Variants in GPR89A observed in about 807,000 individuals in gnomAD.
GPR89A encodes the protein golgi pH regulator A, also known as G protein-coupled receptor 89A.
GPR89A carries 16 observed loss-of-function variants against 52.0 expected under a neutral mutation model. That is an observed-to-expected ratio of 0.31 (90% CI 0.21 to 0.47). The LOEUF is 0.47. GPR89A is among the 20% of genes least tolerant of loss of function. GPR89A has a pLI of 1.00. For missense variants in GPR89A, 135 were observed against 449.4 expected (o/e 0.30, Z 6.33); for synonymous variants, 55 against 150.9 (o/e 0.36, Z 4.66).
At chr1:145,628,551 T>C (rs1649665861) in intron 5 of GPR89A, among the ~76,000 whole-genome samples, 1 of 151,802 alleles carries the variant, frequency 6.6e-6, no homozygotes, top group South Asian at 2.1e-4. Flanking sequence ...TGGCCTTAAC[T>C]AAGTTACTTA....
At chr1:145,654,854 A>G (rs1167153573) in intron 10 of GPR89A, among the ~76,000 whole-genome samples, 1 of 152,074 alleles carries the variant, frequency 6.6e-6, no homozygotes, top group Admixed American at 6.6e-5. Context: ...AGGTTGGGGA[A>G]GTTCTCCTGG....
At chr1:145,655,335 G>C (rs1651742359) in intron 10 of GPR89A, among the ~76,000 whole-genome samples, 2 of 151,844 alleles carry the variant, frequency 1.3e-5, no homozygotes, top group South Asian at 4.2e-4. Flanking sequence ...GCCCAGTTCT[G>C]TGCCCTTGCT....
At chr1:145,669,570 C>T (rs1327867916) in intron 12 of GPR89A, 55 bp from the exon 13 acceptor site, 53 of 1,596,138 alleles carry the variant, frequency 3.3e-5, no homozygotes, top group Non-Finnish European at 2.9e-5. Context: ...TCTTACTGTT[C>T]GTGACACAGG....
At chr1:145,668,927 A>G (rs1488042484) in intron 12 of GPR89A, among the ~76,000 whole-genome samples, 1 of 152,148 alleles carries the variant, frequency 6.6e-6, no homozygotes, top group African/African-American at 2.4e-5. Flanking sequence ...AGCCCATTTG[A>G]TCATGGCAGA....
intron 10 of GPR89A, among the ~76,000 whole-genome samples, chr1:145,660,748 A>G (rs1267749020): frequency 2.0e-5 from 3 of 151,850 alleles, no homozygotes; most frequent in African/African-American, 7.3e-5. Context: ...AATCAAAACC[A>G]CAATGACATA....
chr1:145,610,485 T>C (rs1448742606), intron 1 of GPR89A, among the ~76,000 whole-genome samples: 2 of 152,146 alleles, frequency 1.3e-5, no homozygotes, highest in African/African-American at 4.8e-5. Flanking sequence ...GTGTGTTTTC[T>C]CTTTCTGGGC....
chr1:145,635,819 C>T (rs1460324276), intron 7 of GPR89A, among the ~76,000 whole-genome samples: 2 of 152,186 alleles, frequency 1.3e-5, no homozygotes, highest in Non-Finnish European at 2.9e-5. Context: ...ATTATCTGGG[C>T]ATAGTGGTGC....
At chr1:145,669,154 G>A (rs1652780798) in intron 12 of GPR89A, among the ~76,000 whole-genome samples, 1 of 151,876 alleles carries the variant, frequency 6.6e-6, no homozygotes, top group Admixed American at 6.6e-5. Flanking sequence ...AGACTTCACG[G>A]AGGTGGAAAG....
rs1320396527 is a variant in GPR89A at position 145,624,508 on chromosome 1, A to G, written c.415+794A>G. Among the ~76,000 whole-genome samples, 3 of 150,112 alleles carry G rather than the reference A, an allele frequency of 2.0e-5. 1 individual carries two copies. Among genetic ancestry groups the G allele is most frequent in the African/African-American group, 7.6e-5 (3 of 39,562 alleles). On this transcript the variant is annotated intron_variant, in intron 5 of 13. Coordinates refer to ENST00000313835, the MANE Select transcript of GPR89A (RefSeq NM_001097612.2). Reference sequence around the variant, plus strand: ...ACAGGTTTCATGCTGGAACCTTTTTAAAAAAATCTATATATATATACCTCT... The same window carrying G: ...ACAGGTTTCATGCTGGAACCTTTTTGAAAAAATCTATATATATATACCTCT...
At chr1:145,624,565 GCTT>G (rs1300167681) in intron 5 of GPR89A, among the ~76,000 whole-genome samples, 1 of 151,236 alleles carries the variant, frequency 6.6e-6, no homozygotes, top group African/African-American at 2.5e-5. Flanking sequence ...CTATTACTAG[GCTT>G]CTTATTGCAG....
intron 8 of GPR89A, chr1:145,645,459 A>G (rs1650918705): frequency 5.0e-6 from 2 of 399,632 alleles, no homozygotes; most frequent in African/African-American, 2.1e-5. Context: ...GTTAACAAAC[A>G]TATCAGGATT....
In GPR89A at chr1:145,643,211, G is replaced by A. The variant is rs369364626; in HGVS notation, c.618-658G>A. Among the ~76,000 whole-genome samples the A allele has an allele frequency of 2.8e-4, 43 of 152,022 alleles. No homozygotes were observed. The South Asian group carries it at 8.7e-3, about 31-fold the overall frequency. On this transcript the variant is annotated intron_variant, in intron 7 of 13. Coordinates refer to ENST00000313835, the MANE Select transcript of GPR89A (RefSeq NM_001097612.2). ...GATGGAGTCTCACTCTGTCACCTGG[G>A]CTGGCGTGCAGTGGTGTGATCTCAG...
chr1:145,622,838 A>G (rs1571478444), intron 3 of GPR89A, among the ~76,000 whole-genome samples: 1 of 151,962 alleles, frequency 6.6e-6, no homozygotes, highest in East Asian at 1.9e-4. Flanking sequence ...TTAATATATG[A>G]AATTCTTAAG....
intron 1 of GPR89A, among the ~76,000 whole-genome samples, chr1:145,613,836 G>A (rs1317483783): frequency 3.3e-5 from 5 of 151,460 alleles, no homozygotes; most frequent in Non-Finnish European, 7.4e-5. Flanking sequence ...ACCCAGGCTG[G>A]AATGCAGTGA....
chr1:145,608,949 TC>T (rs1283331369), intron 1 of GPR89A, among the ~76,000 whole-genome samples: 317 of 152,052 alleles, frequency 2.1e-3, no homozygotes, highest in Non-Finnish European at 2.3e-3. Flanking sequence ...AATTATTGTT[TC>T]TTCCTAGCAT....
chr1:145,619,993 C>T (rs1454004734), intron 3 of GPR89A, among the ~76,000 whole-genome samples: 13 of 151,578 alleles, frequency 8.6e-5, no homozygotes, highest in Admixed American at 3.9e-4. Flanking sequence ...CCAGCCTGGG[C>T]GACAGAGCAA....
intron 9 of GPR89A, chr1:145,646,570 G>C (rs1194260286): frequency 9.9e-5 from 43 of 432,924 alleles, no homozygotes; most frequent in Non-Finnish European, 1.7e-4. Context: ...AAAGATGGTA[G>C]CTACTTTTAT....
At chr1:145,637,172 G>A (rs1160421408) in intron 7 of GPR89A, among the ~76,000 whole-genome samples, 1 of 151,566 alleles carries the variant, frequency 6.6e-6, no homozygotes, top group African/African-American at 2.4e-5. Context: ...TGAGCTATGT[G>A]CAGGTTGAAC....
chr1:145,648,682 T>C (rs1571521792), intron 10 of GPR89A, among the ~76,000 whole-genome samples: 1 of 152,180 alleles, frequency 6.6e-6, no homozygotes, highest in East Asian at 1.9e-4. Flanking sequence ...GCTTTCACCA[T>C]GTTGCCCAAG....
Sources: allele counts gnomAD v4.1 joint callset (sites outside exome capture counted in the v4.1 genomes callset), GRCh38; gene constraint gnomAD v4.1.1; transcripts MANE v1.5; gene names NCBI Gene and HGNC (gene_info 2026-07-23, HGNC 2026-07-21).